Variants in CALN1 observed in about 807,000 individuals in gnomAD.
CALN1 encodes calcium-binding protein 8.
CALN1 carries 17 observed loss-of-function variants against 30.6 expected under a neutral mutation model. The observed-to-expected ratio is 0.56, with a 90% confidence interval of 0.38 to 0.83. The LOEUF (loss-of-function observed/expected upper bound fraction) is 0.83, where lower values mean the gene tolerates loss of function less well. CALN1 is among the 40% of genes least tolerant of loss of function. CALN1 has a pLI of 0.00. For synonymous variants in CALN1, 156 were observed against 131.4 expected (o/e 1.19, Z -1.28); for missense variants, 291 against 354.9 (o/e 0.82, Z 1.45).
intron 6 of CALN1, among the ~76,000 whole-genome samples, chr7:71,802,638 T>A (rs142423736): frequency 3.2e-4 from 48 of 151,258 alleles, no homozygotes; most frequent in Non-Finnish European, 5.3e-4. Flanking sequence ...AATTAAAAAA[T>A]TTTTCTTTTT....
chr7:71,917,673 C>T (rs1486821932), intron 5 of CALN1, among the ~76,000 whole-genome samples: 3 of 152,012 alleles, frequency 2.0e-5, no homozygotes, highest in Non-Finnish European at 4.4e-5. Flanking sequence ...GAGGAAATGC[C>T]AGATGCTTAA....
intron 1 of CALN1, among the ~76,000 whole-genome samples, chr7:72,404,638 G>A (rs1364750984): frequency 2.0e-5 from 3 of 152,160 alleles, no homozygotes; most frequent in African/African-American, 7.2e-5. Context: ...CCTGAACATT[G>A]TATCCTGGGA....
At chr7:72,073,608 G>A (rs1428554759) in intron 4 of CALN1, among the ~76,000 whole-genome samples, 1 of 140,374 alleles carries the variant, frequency 7.1e-6, no homozygotes, top group Non-Finnish European at 1.6e-5. Context: ...GCTGCATTTA[G>A]TCCTTTCTTT....
At chr7:71,993,030 C>A (rs920404168) in intron 5 of CALN1, among the ~76,000 whole-genome samples, 1 of 126,050 alleles carries the variant, frequency 7.9e-6, no homozygotes, top group Non-Finnish European at 1.6e-5. Flanking sequence ...GAAAGAGAAC[C>A]ATTGGAGAAG....
At chr7:72,199,304 A>T in intron 3 of CALN1, among the ~76,000 whole-genome samples, 1 of 152,090 alleles carries the variant, frequency 6.6e-6, no homozygotes, top group East Asian at 1.9e-4. Context: ...CAATCAATCA[A>T]TAAGTTCTAA....
At chr7:72,029,313 G>A (rs1264264303) in intron 4 of CALN1, among the ~76,000 whole-genome samples, 6 of 151,938 alleles carry the variant, frequency 3.9e-5, no homozygotes, top group Non-Finnish European at 7.4e-5. Flanking sequence ...GGGTTTCACT[G>A]TATTAGCCAG....
chr7:72,053,639 AT>A (rs60141217), intron 4 of CALN1, among the ~76,000 whole-genome samples: 111,335 of 151,782 alleles, frequency 0.73, 41,292 homozygotes, highest in East Asian at 1. Flanking sequence ...AAGTTTATCT[AT>A]TTTTTTTATT....
intron 2 of CALN1, among the ~76,000 whole-genome samples, chr7:72,298,017 AT>A (rs956689568): frequency 7.9e-5 from 12 of 151,912 alleles, no homozygotes; most frequent in African/African-American, 2.9e-4. Context: ...CCATCTTATT[AT>A]TTTTTTTAGC....
chr7:71,879,768 A>C (rs963284352), intron 5 of CALN1, among the ~76,000 whole-genome samples: 1 of 152,220 alleles, frequency 6.6e-6, no homozygotes, highest in Non-Finnish European at 1.5e-5. Context: ...CCTGGGCTCC[A>C]GGTACCACTC....
chr7:72,313,330 A>C (rs911335574), intron 2 of CALN1, among the ~76,000 whole-genome samples: 1 of 152,210 alleles, frequency 6.6e-6, no homozygotes, highest in Admixed American at 6.5e-5. Flanking sequence ...CATTTGGAAA[A>C]AAATAACAAT....
intron 1 of CALN1, among the ~76,000 whole-genome samples, chr7:72,410,540 A>T (rs534268673): frequency 6.6e-6 from 1 of 152,348 alleles, no homozygotes; most frequent in African/African-American, 2.4e-5. Context: ...TTAAGTCCAC[A>T]TCTGAAAACT....
chr7:72,476,366 C>T, the CALN1 span, among the ~76,000 whole-genome samples: 2 of 152,126 alleles, frequency 1.3e-5, no homozygotes, highest in Admixed American at 1.3e-4. Context: ...GTCCATTAAA[C>T]CTCTTTCCTT....
intron 2 of CALN1, among the ~76,000 whole-genome samples, chr7:72,370,972 C>T (rs1333437603): frequency 2.1e-5 from 3 of 146,104 alleles, no homozygotes; most frequent in Non-Finnish European, 3.0e-5. Flanking sequence ...CACTTGAACC[C>T]GGGACGTGGA....
chr7:72,258,704 G>A (rs1796085115), intron 3 of CALN1, among the ~76,000 whole-genome samples: 1 of 152,104 alleles, frequency 6.6e-6, no homozygotes, highest in African/African-American at 2.4e-5. Flanking sequence ...GATCACCCAA[G>A]GTCAGGAGTT....
At chr7:72,247,227 C>CTTTTTTTTTTTTTTTTTTTTT (rs764276435) in intron 3 of CALN1, among the ~76,000 whole-genome samples, 2 of 77,672 alleles carry the variant, frequency 2.6e-5, no homozygotes, top group Non-Finnish European at 4.7e-5. Context: ...CATTTTCTTT[C>CTTTTTTTTTTTTTTTTTTTTT]TTTTTTTTTT....
intron 3 of CALN1, among the ~76,000 whole-genome samples, chr7:72,166,556 T>C (rs1044172152): frequency 6.6e-6 from 1 of 152,236 alleles, no homozygotes; most frequent in Non-Finnish European, 1.5e-5. Flanking sequence ...ATATTTCTAT[T>C]ACTTGCTACA....
At chr7:72,193,995 G>C in intron 3 of CALN1, among the ~76,000 whole-genome samples, 1 of 152,216 alleles carries the variant, frequency 6.6e-6, no homozygotes, top group Admixed American at 6.5e-5. Flanking sequence ...ACTACACATT[G>C]GGTACAGTGT....
At chr7:71,847,822 G>A in intron 5 of CALN1, among the ~76,000 whole-genome samples, 1 of 100,776 alleles carries the variant, frequency 9.9e-6, no homozygotes, top group Non-Finnish European at 1.9e-5. Context: ...AGAAGGAGAA[G>A]GAGAAGGAGA....
chr7:71,851,325 G>T (rs1259379775), intron 5 of CALN1, among the ~76,000 whole-genome samples: 2 of 150,062 alleles, frequency 1.3e-5, no homozygotes, highest in Non-Finnish European at 3.0e-5. Flanking sequence ...AGATCAACCT[G>T]GTCAACATGC....
Sources: allele counts gnomAD v4.1 joint callset (sites outside exome capture counted in the v4.1 genomes callset), GRCh38; gene constraint gnomAD v4.1.1; transcripts MANE v1.5; gene names NCBI Gene and HGNC (gene_info 2026-07-23, HGNC 2026-07-21).